Variants in NME7 observed in about 807,000 individuals in gnomAD.
NME7 encodes NME/NM23 family member 7.
Under a neutral mutation model 49.1 loss-of-function variants are expected in NME7, and 41 were observed. That is an observed-to-expected ratio of 0.83 (90% CI 0.65 to 1.08). NME7 has a LOEUF of 1.08. NME7 is among the 50% of genes least tolerant of loss of function. The pLI, the probability that NME7 is intolerant of heterozygous loss-of-function variation, is 0.00. For synonymous variants in NME7, 139 were observed against 150.6 expected (o/e 0.92, Z 0.56); for missense variants, 423 against 463.4 (o/e 0.91, Z 0.80).
chr1:169,227,764 C>T (rs1385390874), intron 10 of NME7, among the ~76,000 whole-genome samples: 1 of 152,144 alleles, frequency 6.6e-6, no homozygotes, highest in South Asian at 2.1e-4. Context: ...TCAACATATA[C>T]ACATGGGGAT....
At chr1:169,290,472 C>G in intron 6 of NME7, among the ~76,000 whole-genome samples, 1 of 152,070 alleles carries the variant, frequency 6.6e-6, no homozygotes, top group East Asian at 1.9e-4. Context: ...ATGCAGAAAA[C>G]AGAAACTGGA....
chr1:169,231,074 A>G (rs1186538877), intron 9 of NME7, among the ~76,000 whole-genome samples: 1 of 152,160 alleles, frequency 6.6e-6, no homozygotes, highest in South Asian at 2.1e-4. Context: ...ATTTGGAATG[A>G]TCTTCTAGTA....
chr1:169,348,727 GTAGT>G (rs1653039916), intron 1 of NME7, among the ~76,000 whole-genome samples: 1 of 151,944 alleles, frequency 6.6e-6, no homozygotes, highest in Non-Finnish European at 1.5e-5. Flanking sequence ...TTTTAGCCCT[GTAGT>G]TATTCATTAA....
intron 7 of NME7, among the ~76,000 whole-genome samples, chr1:169,260,139 A>G (rs1649115512): frequency 7.5e-6 from 1 of 133,698 alleles, no homozygotes; most frequent in Non-Finnish European, 1.8e-5. Flanking sequence ...TAACTAAAAT[A>G]AGTTAGAACT....
chr1:169,247,856 A>G (rs1648389263), intron 7 of NME7, among the ~76,000 whole-genome samples: 2 of 152,080 alleles, frequency 1.3e-5, no homozygotes, highest in Non-Finnish European at 2.9e-5. Flanking sequence ...TGGTGTATAT[A>G]TATCACATTT....
intron 7 of NME7, among the ~76,000 whole-genome samples, chr1:169,257,684 A>G (rs1384249382): frequency 7.5e-6 from 1 of 133,514 alleles, no homozygotes; most frequent in East Asian, 2.0e-4. Context: ...TTTTCTTTTA[A>G]AGTTTAAAAC....
In NME7 at chr1:169,262,330, A is replaced by T. The variant is rs186213128; in HGVS notation, c.755-24643T>A. On this transcript the variant is annotated intron_variant, in intron 7 of 11. Coordinates refer to ENST00000367811, the MANE Select transcript of NME7 (RefSeq NM_013330.5). ...ACTCAAGCAAGGCATAGCACAGAAG[A>T]ATCATCAATTGATAACCCACAGAAT... Among the ~76,000 whole-genome samples the T allele has an allele frequency of 9.6e-5, 13 of 134,884 alleles. 3 individuals carry two copies. The East Asian group carries it at 2.2e-3, about 23-fold the overall frequency. The allele number at this position is 134,884 out of a possible 152,430, so 88.5% of individuals were successfully genotyped here.
intron 7 of NME7, among the ~76,000 whole-genome samples, chr1:169,274,370 T>C (rs1649614469): frequency 1.5e-5 from 2 of 133,378 alleles, no homozygotes; most frequent in South Asian, 4.7e-4. Context: ...ATATTAGCCC[T>C]TTGTCAGAAG....
chr1:169,311,377 C>T (rs988181763), intron 3 of NME7, among the ~76,000 whole-genome samples: 2 of 142,464 alleles, frequency 1.4e-5, no homozygotes, highest in Non-Finnish European at 3.0e-5. Flanking sequence ...CAAGATAGCA[C>T]CACTGCACTC....
chr1:169,239,353 C>T (rs1236763000), intron 7 of NME7, among the ~76,000 whole-genome samples: 1 of 151,584 alleles, frequency 6.6e-6, no homozygotes, highest in Non-Finnish European at 1.5e-5. Context: ...TATTTTCACA[C>T]AAGAAGCAAT....
chr1:169,309,716 C>A (rs1271721828), intron 4 of NME7, among the ~76,000 whole-genome samples: 1 of 152,042 alleles, frequency 6.6e-6, no homozygotes, highest in African/African-American at 2.4e-5. Context: ...GCCTGCACTG[C>A]TTGATACTCA....
chr1:169,215,435 C>T (rs967850765), intron 10 of NME7, among the ~76,000 whole-genome samples: 4 of 152,250 alleles, frequency 2.6e-5, no homozygotes, highest in African/African-American at 9.6e-5. Context: ...CTTTGGGCCA[C>T]GGGTTTCAGG....
At position 169,342,818 on chromosome 1, in the gene NME7, GTA is replaced by G. The variant is rs1192386878; in HGVS notation, c.4-18320_4-18319del. Among the ~76,000 whole-genome samples the G allele has an allele frequency of 9.1e-3, 468 of 51,204 alleles. 95 individuals are homozygous for G. The highest frequency in any genetic ancestry group is 0.042 in the African/African-American group (446 of 10,648). 33.6% of individuals were successfully genotyped at this position (51,204 alleles called of 152,430 possible). ...ATATATACAAGTACATATATATATA[GTA>G]TATATATATACAAGTACATATATAT... On this transcript the variant is annotated intron_variant, in intron 1 of 11. Coordinates refer to ENST00000367811, the MANE Select transcript of NME7 (RefSeq NM_013330.5).
intron 7 of NME7, among the ~76,000 whole-genome samples, chr1:169,282,962 C>T (rs1650086530): frequency 6.6e-6 from 1 of 152,068 alleles, no homozygotes; most frequent in Non-Finnish European, 1.5e-5. Context: ...TCTATTAGGT[C>T]TGCTTGGTTT....
intron 1 of NME7, among the ~76,000 whole-genome samples, chr1:169,326,255 T>G (rs1224167593): frequency 1.3e-5 from 2 of 151,942 alleles, no homozygotes; most frequent in East Asian, 3.9e-4. Flanking sequence ...CAGAAAAGAG[T>G]TTTAATACAA....
chr1:169,258,187 A>G (rs555189040), intron 7 of NME7, among the ~76,000 whole-genome samples: 1 of 127,264 alleles, frequency 7.9e-6, no homozygotes, highest in East Asian at 2.0e-4. Flanking sequence ...AAAATAAGAA[A>G]TTAGCTAGGT....
chr1:169,223,697 G>A (rs1191802324), intron 10 of NME7, among the ~76,000 whole-genome samples: 1 of 152,072 alleles, frequency 6.6e-6, no homozygotes, highest in African/African-American at 2.4e-5. Flanking sequence ...TTCGTAGAGT[G>A]AAGAATGGTA....
chr1:169,218,769 G>A (rs1303506121), intron 10 of NME7, among the ~76,000 whole-genome samples: 4 of 147,486 alleles, frequency 2.7e-5, no homozygotes, highest in South Asian at 2.1e-4. Flanking sequence ...ATCCTTTGCA[G>A]AGAATACCCA....
At chr1:169,347,071 C>T (rs190750109) in intron 1 of NME7, among the ~76,000 whole-genome samples, 23 of 152,254 alleles carry the variant, frequency 1.5e-4, no homozygotes, top group African/African-American at 5.3e-4. Context: ...TATAGCCAGA[C>T]ATCATAGCTC....
Sources: gnomAD v4.1 joint callset for allele counts (sites outside exome capture counted in the v4.1 genomes callset) on GRCh38, gnomAD v4.1.1 for gene constraint, MANE v1.5 for transcripts, NCBI Gene and HGNC (gene_info 2026-07-23, HGNC 2026-07-21) for gene names.